Variants in THADA observed in about 807,000 individuals in gnomAD.
THADA encodes the protein tRNA (32-2'-O)-methyltransferase regulator THADA.
In THADA, 213 loss-of-function variants were observed where a neutral mutation model predicts 219.8. The ratio of observed to expected loss-of-function variants is 0.97; its 90% CI spans 0.87 to 1.09. The LOEUF is 1.09. Among genes scored for constraint, THADA ranks in the 50% least tolerant of loss-of-function variants. The pLI, the probability that THADA is intolerant of heterozygous loss-of-function variation, is 0.00. For missense variants in THADA, 2,956 were observed against 2,311.3 expected (o/e 1.28, Z -5.72); for synonymous variants, 1,018 against 828.9 (o/e 1.23, Z -3.92).
At chr2:43,526,315 T>A (rs1462418433) in intron 22 of THADA, among the ~76,000 whole-genome samples, 1 of 145,382 alleles carries the variant, frequency 6.9e-6, no homozygotes, top group African/African-American at 2.7e-5. Flanking sequence ...CCTCTCTCCA[T>A]CCCTGCTACA....
rs1691442376 is a variant in THADA at position 43,515,235 on chromosome 2, A to ATATATTATATATT, written c.3375-6456_3375-6455insAATATATAATATA. On this transcript the variant is annotated intron_variant, in intron 22 of 37. Coordinates refer to ENST00000405975, the MANE Select transcript of THADA (RefSeq NM_022065.5). The stretch of plus-strand genomic sequence containing the variant: ...ATATAATATATTATATATAATATAT[A>ATATATTATATATT]ATATATAATATATTATATATAATAT... Among the ~76,000 whole-genome samples the ATATATTATATATT allele has an allele frequency of 1.6e-4, 3 of 19,148 alleles. 1 individual carries two copies. The highest frequency in any genetic ancestry group is 7.6e-4 in the African/African-American group (3 of 3,972). The allele number at this position is 19,148 out of a possible 152,430, so 12.6% of individuals were successfully genotyped here. A position where few individuals can be genotyped will look rare whatever the true frequency, so the allele number is the denominator to read the frequency against.
At chr2:43,451,231 G>C (rs1682282328) in intron 26 of THADA, among the ~76,000 whole-genome samples, 1 of 152,130 alleles carries the variant, frequency 6.6e-6, no homozygotes, top group Non-Finnish European at 1.5e-5. Flanking sequence ...CCTTAGGCAA[G>C]CACAGATCCT....
intron 29 of THADA, among the ~76,000 whole-genome samples, chr2:43,378,186 C>T (rs1431905755): frequency 6.6e-6 from 1 of 152,064 alleles, no homozygotes; most frequent in African/African-American, 2.4e-5. Flanking sequence ...GGAAGAGACA[C>T]CTTCATTGAA....
intron 29 of THADA, among the ~76,000 whole-genome samples, chr2:43,354,282 T>G (rs1668625581): frequency 6.6e-6 from 1 of 152,202 alleles, no homozygotes; most frequent in African/African-American, 2.4e-5. Context: ...GGGTATATGG[T>G]AGCTGTATAT....
At chr2:43,514,201 G>A (rs1418769705) in intron 22 of THADA, among the ~76,000 whole-genome samples, 2 of 151,816 alleles carry the variant, frequency 1.3e-5, no homozygotes, top group Non-Finnish European at 2.9e-5. Flanking sequence ...TGTAATCCCA[G>A]CACTTTGGAA....
intron 26 of THADA, among the ~76,000 whole-genome samples, chr2:43,450,062 A>AC (rs748634931): frequency 5.3e-5 from 8 of 152,214 alleles, no homozygotes; most frequent in Non-Finnish European, 1.0e-4. Context: ...AGGACACTGG[A>AC]CAGGAACTTG....
At chr2:43,247,392 T>G (rs1669260692) in intron 36 of THADA, among the ~76,000 whole-genome samples, 3 of 152,092 alleles carry the variant, frequency 2.0e-5, no homozygotes, top group Non-Finnish European at 4.4e-5. Flanking sequence ...GTTCTAAAAC[T>G]GGGCATGAAA....
intron 31 of THADA, among the ~76,000 whole-genome samples, chr2:43,316,644 T>C (rs147602264): frequency 1.5e-3 from 227 of 152,182 alleles, no homozygotes; most frequent in African/African-American, 5.1e-3. Flanking sequence ...ATAATGATAA[T>C]AGGCTGGGCA....
intron 25 of THADA, among the ~76,000 whole-genome samples, chr2:43,489,701 C>T (rs1008519130): frequency 2.0e-5 from 3 of 151,948 alleles, no homozygotes; most frequent in Non-Finnish European, 2.9e-5. Context: ...ACAATCAATC[C>T]TAATCTGCTG....
intron 25 of THADA, among the ~76,000 whole-genome samples, chr2:43,489,612 C>T (rs987874097): frequency 2.6e-5 from 4 of 151,928 alleles, no homozygotes; most frequent in African/African-American, 7.3e-5. Context: ...CCAGTTGTCC[C>T]CGTACCATTT....
chr2:43,353,395 T>C (rs1668508247), intron 29 of THADA, among the ~76,000 whole-genome samples: 1 of 152,172 alleles, frequency 6.6e-6, no homozygotes, highest in Non-Finnish European at 1.5e-5. Flanking sequence ...CATCACATAA[T>C]GGTTTTGATT....
chr2:43,481,550 A>C (rs2104999693), intron 26 of THADA, among the ~76,000 whole-genome samples: 1 of 152,258 alleles, frequency 6.6e-6, no homozygotes, highest in East Asian at 1.9e-4. Context: ...ACTCCACTCA[A>C]TTCTACCATT....
At chr2:43,339,043 A>T (rs1021241736) in intron 30 of THADA, among the ~76,000 whole-genome samples, 2 of 152,238 alleles carry the variant, frequency 1.3e-5, no homozygotes, top group Non-Finnish European at 2.9e-5. Flanking sequence ...TATAGCCTTG[A>T]CAAAGTTAAA....
chr2:43,347,303 G>A (rs1424277987), intron 29 of THADA, among the ~76,000 whole-genome samples: 2 of 152,138 alleles, frequency 1.3e-5, no homozygotes, highest in Non-Finnish European at 2.9e-5. Flanking sequence ...TACTAGGCAC[G>A]CACTAGGGAA....
chr2:43,361,510 C>T (rs1669522341), intron 29 of THADA, among the ~76,000 whole-genome samples: 2 of 152,234 alleles, frequency 1.3e-5, no homozygotes, highest in South Asian at 4.1e-4. Flanking sequence ...ATCTGGTTCT[C>T]CTGTTCTCCT....
chr2:43,576,571 T>C (rs1699881873), intron 10 of THADA, among the ~76,000 whole-genome samples: 1 of 152,244 alleles, frequency 6.6e-6, no homozygotes, highest in Non-Finnish European at 1.5e-5. Flanking sequence ...TAAAAATTTT[T>C]ATAGTTTTTA....
intron 17 of THADA, among the ~76,000 whole-genome samples, chr2:43,555,424 G>A (rs17031028): frequency 0.33 from 49,451 of 150,832 alleles, 8,455 homozygotes; most frequent in South Asian, 0.42. Context: ...TTTTTAAGCC[G>A]TCTATATTTA....
rs1477192377 is a variant in THADA, at chr2:43,574,497, T to C, written c.1568A>G (p.His523Arg). The C allele has an allele frequency of 3.7e-6, 6 of 1,613,992 alleles. No homozygotes were observed. The highest frequency in any genetic ancestry group is 1.6e-4 in the Middle Eastern group (1 of 6,062). ...AAGGAGAGGAGAAACCCAAGTCTCA[T>C]GCCACTGGTCAATCCAAGAACTCTC... ...TAESSWIDQW[H>R]ETWVSPLLFI... The change falls in exon 11 of 38, where the codon CAT (histidine) becomes CGT (arginine). Residue 523 changes from histidine (H) to arginine (R), a missense_variant. Physicochemically the swap from His to Arg is conservative, Grantham distance 29 (BLOSUM62 0). Transcript: ENST00000405975.
intron 22 of THADA, among the ~76,000 whole-genome samples, chr2:43,517,615 A>G (rs1247797565): frequency 6.6e-6 from 1 of 152,160 alleles, no homozygotes; most frequent in East Asian, 1.9e-4. Context: ...CATTTATTTT[A>G]CACATCCATG....
Sources: allele counts gnomAD v4.1 joint callset (sites outside exome capture counted in the v4.1 genomes callset), GRCh38; gene constraint gnomAD v4.1.1; transcripts MANE v1.5; gene names NCBI Gene and HGNC (gene_info 2026-07-23, HGNC 2026-07-21).